The following CCSER1 variants were observed in gnomAD, a reference collection of about 807,000 sequenced individuals.
CCSER1 encodes the protein serine-rich coiled-coil domain-containing protein 1.
In CCSER1, 41 loss-of-function variants were observed where a neutral mutation model predicts 82.0. That is an observed-to-expected ratio of 0.50 (90% CI 0.39 to 0.65). The LOEUF (loss-of-function observed/expected upper bound fraction) is 0.65, where lower values mean the gene tolerates loss of function less well. Ranked by LOEUF, CCSER1 falls within the 30% of genes least tolerant of loss-of-function variation. The probability of loss-of-function intolerance (pLI) is 0.00; values close to 1 mark genes in which losing one functional copy is unlikely to be tolerated. For missense variants in CCSER1, 1,119 were observed against 1,064.2 expected (o/e 1.05, Z -0.72); for synonymous variants, 414 against 383.9 (o/e 1.08, Z -0.92).
intron 10 of CCSER1, among the ~76,000 whole-genome samples, chr4:91,127,777 G>T (rs1727642413): frequency 6.6e-6 from 1 of 151,946 alleles, no homozygotes; most frequent in Non-Finnish European, 1.5e-5. Context: ...GAAGAATTAG[G>T]CACATTTATT....
At chr4:90,591,829 A>G (rs1340942675) in intron 5 of CCSER1, among the ~76,000 whole-genome samples, 2 of 152,194 alleles carry the variant, frequency 1.3e-5, no homozygotes, top group Non-Finnish European at 2.9e-5. Flanking sequence ...TGTGGCACAT[A>G]TACACCACGG....
chr4:90,995,791 A>G (rs1054200354), intron 9 of CCSER1, among the ~76,000 whole-genome samples: 2 of 152,234 alleles, frequency 1.3e-5, no homozygotes, highest in Non-Finnish European at 2.9e-5. Context: ...GTAGATTTTT[A>G]GAACCATAAA....
At chr4:90,603,465 AT>A (rs1249637183) in intron 5 of CCSER1, among the ~76,000 whole-genome samples, 2 of 152,192 alleles carry the variant, frequency 1.3e-5, no homozygotes, top group Non-Finnish European at 2.9e-5. Context: ...AGTGATATTT[AT>A]TGGCACAATC....
chr4:90,648,784 G>A (rs142136089), intron 6 of CCSER1, among the ~76,000 whole-genome samples: 443 of 152,258 alleles, frequency 2.9e-3, no homozygotes, highest in Admixed American at 4.3e-3. Context: ...CCAATCTGTG[G>A]TATTTTGTTA....
At chr4:90,847,831 G>T (rs185521608) in intron 8 of CCSER1, among the ~76,000 whole-genome samples, 10 of 152,072 alleles carry the variant, frequency 6.6e-5, no homozygotes, top group African/African-American at 2.4e-4. Context: ...TGATTTGATT[G>T]CTGTTTTACT....
chr4:90,433,816 A>G (rs1309321753), intron 4 of CCSER1, among the ~76,000 whole-genome samples: 1 of 151,998 alleles, frequency 6.6e-6, no homozygotes, highest in Non-Finnish European at 1.5e-5. Flanking sequence ...TTAGGACAGC[A>G]CATATAATGG....
At chr4:90,601,339 G>A (rs1449459527) in intron 5 of CCSER1, among the ~76,000 whole-genome samples, 1 of 151,746 alleles carries the variant, frequency 6.6e-6, no homozygotes, top group African/African-American at 2.4e-5. Flanking sequence ...TCCTTTATCA[G>A]GTTGTAAATT....
At chr4:90,444,783 A>G (rs1175356715) in intron 4 of CCSER1, among the ~76,000 whole-genome samples, 1 of 152,078 alleles carries the variant, frequency 6.6e-6, no homozygotes, top group Non-Finnish European at 1.5e-5. Context: ...GTATTTCGAC[A>G]ATACCTTTAT....
At chr4:90,863,210 A>G (rs1353100909) in intron 8 of CCSER1, among the ~76,000 whole-genome samples, 1 of 151,462 alleles carries the variant, frequency 6.6e-6, no homozygotes, top group African/African-American at 2.4e-5. Flanking sequence ...TGTCCTTGCG[A>G]TAGTTTCCTG....
chr4:91,055,499 G>A (rs545834460), intron 9 of CCSER1, among the ~76,000 whole-genome samples: 3 of 152,176 alleles, frequency 2.0e-5, no homozygotes, highest in South Asian at 2.1e-4. Flanking sequence ...AGTTTCTGAT[G>A]AGAGATCTCC....
chr4:91,451,250 G>A (rs1003378445), intron 10 of CCSER1, among the ~76,000 whole-genome samples: 2 of 151,800 alleles, frequency 1.3e-5, no homozygotes, highest in African/African-American at 2.4e-5. Flanking sequence ...ATTACCTTGG[G>A]GGTTATAATT....
chr4:90,650,060 C>CA (rs781263958), intron 6 of CCSER1, among the ~76,000 whole-genome samples: 143 of 151,986 alleles, frequency 9.4e-4, no homozygotes, highest in Middle Eastern at 3.4e-3. Context: ...ACTAAAAACA[C>CA]AAAAAAATTA....
rs374963864 is a variant in CCSER1 at position 90,730,508 on chromosome 4, C to T, written c.2010+6517C>T. 1.4e-4 allele frequency among the ~76,000 whole-genome samples: 22 copies of T among 152,160 alleles called. No homozygotes were observed. The South Asian group carries it at 2.9e-3, about 20-fold the overall frequency. ...CATTGGTATGTCGATGTCAACAACA[C>T]GAACTAAATCCCTGCATTAATGGTG... On this transcript the variant is annotated intron_variant, in intron 7 of 10. Transcript: ENST00000509176.
intron 8 of CCSER1, chr4:90,838,887 G>T: frequency 1.2e-6 from 2 of 1,612,990 alleles, no homozygotes; most frequent in African/African-American, 2.7e-5. Context: ...AGTGCATATT[G>T]GCGGCGCACG....
At chr4:90,355,269 G>A (rs1242893634) in intron 3 of CCSER1, among the ~76,000 whole-genome samples, 1 of 150,340 alleles carries the variant, frequency 6.7e-6, no homozygotes, top group Non-Finnish European at 1.5e-5. Context: ...GAAGGAAGTG[G>A]GTAATGATAT....
At chr4:90,809,686 A>G (rs1411119763) in intron 7 of CCSER1, among the ~76,000 whole-genome samples, 1 of 151,908 alleles carries the variant, frequency 6.6e-6, no homozygotes, top group Non-Finnish European at 1.5e-5. Flanking sequence ...CTATAGAAAT[A>G]ATAATAACAA....
intron 7 of CCSER1, chr4:90,781,087 A>C (rs1304023273): frequency 5.5e-6 from 1 of 180,888 alleles, no homozygotes; most frequent in Non-Finnish European, 1.1e-5. Context: ...ACCAGATCTC[A>C]CAAGAACTCA....
intron 1 of CCSER1, among the ~76,000 whole-genome samples, chr4:90,150,436 T>C (rs1434866367): frequency 1.3e-5 from 2 of 152,152 alleles, no homozygotes; most frequent in Non-Finnish European, 2.9e-5. Context: ...GGAAAGGATG[T>C]CAATAATACT....
At chr4:90,252,538 G>A (rs1722590365) in intron 1 of CCSER1, among the ~76,000 whole-genome samples, 1 of 151,392 alleles carries the variant, frequency 6.6e-6, no homozygotes, top group African/African-American at 2.4e-5. Flanking sequence ...GGATACATGA[G>A]GTATTTTGAC....
Sources: allele counts gnomAD v4.1 joint callset (sites outside exome capture counted in the v4.1 genomes callset), GRCh38; gene constraint gnomAD v4.1.1; transcripts MANE v1.5; gene names NCBI Gene and HGNC (gene_info 2026-07-23, HGNC 2026-07-21).